The following SLC25A48 variants were observed in gnomAD, a reference collection of about 807,000 sequenced individuals.
SLC25A48 encodes the protein CTC-321K16.1.
SLC25A48 carries 29 observed loss-of-function variants against 32.2 expected under a neutral mutation model. The ratio of observed to expected loss-of-function variants is 0.90; its 90% CI spans 0.67 to 1.23. The LOEUF (loss-of-function observed/expected upper bound fraction) is 1.23. Among genes scored for constraint, SLC25A48 ranks in the 50% most tolerant of loss-of-function variants. SLC25A48 has a pLI of 0.00. For synonymous variants in SLC25A48, 164 were observed against 172.3 expected, an observed-to-expected ratio of 0.95 and a Z score of 0.38; for missense variants, 399 against 422.7, an observed-to-expected ratio of 0.94 and a Z score of 0.49.
At chr5:135,834,918 C>G (rs1295916142) in intron 1 of SLC25A48, 25 bp downstream of exon 1, 4 of 1,596,082 alleles carry the variant, frequency 2.5e-6, no homozygotes, top group East Asian at 2.3e-5. Context: ...CGGGGACCCC[C>G]GGTCAGAGAG....
At chr5:135,745,252 G>T (rs1755613174) in intron 3 of SLC25A48, among the ~76,000 whole-genome samples, 1 of 152,188 alleles carries the variant, frequency 6.6e-6, no homozygotes, top group Admixed American at 6.5e-5. Context: ...GGGAAACAAA[G>T]GGACAGGCTC....
chr5:135,687,760 T>G (rs1161621020), intron 3 of SLC25A48, among the ~76,000 whole-genome samples: 1 of 152,218 alleles, frequency 6.6e-6, no homozygotes, highest in African/African-American at 2.4e-5. Context: ...CTGTTTTTAC[T>G]AACAATTCTT....
chr5:135,780,158 G>A lies in SLC25A48; in HGVS notation c.-520-32365G>A, dbSNP rs540255069. Among the ~76,000 whole-genome samples, 15 of 69,158 alleles carry A rather than the reference G, an allele frequency of 2.2e-4. 4 individuals carry two copies. The highest frequency in any genetic ancestry group is 1.0e-3 in the East Asian group (3 of 2,906). The allele number at this position is 69,158 out of a possible 152,430, so 45.4% of individuals were successfully genotyped here. A position where few individuals can be genotyped will look rare whatever the true frequency, so the allele number is the denominator to read the frequency against. The stretch of plus-strand genomic sequence containing the variant: ...ACCGTGCCTGTGTTATTGTTTCTTC[G>A]TCTTTTTTTTTTTTTTTTTTTTTTT... On this transcript the variant is annotated intron_variant, in intron 3 of 10. Coordinates refer to the SLC25A48 transcript ENST00000646290.
intron 1 of SLC25A48, among the ~76,000 whole-genome samples, chr5:135,620,913 C>G (rs373636249): frequency 6.6e-6 from 1 of 152,154 alleles, no homozygotes; most frequent in East Asian, 1.9e-4. Context: ...TCTCTTACCC[C>G]TTCCCCGCGT....
intron 1 of SLC25A48, among the ~76,000 whole-genome samples, chr5:135,614,916 G>A (rs185277908): frequency 1.3e-5 from 2 of 152,236 alleles, no homozygotes; most frequent in African/African-American, 2.4e-5. Context: ...AAAGTGTGTA[G>A]CACCTCCCCC....
Position 135,871,477 on chromosome 5 carries a change from G to C in SLC25A48, c.438G>C (p.Lys146Asn). The stretch of plus-strand genomic sequence containing the variant: ...TCTTTGCAGCCAACCTCGGTTTGAA[G>C]TCCAGGGCAGTGGCTCCTGCGGAGC... ...QPFRDANLGL[K>N]SRAVAPAEQP... The change falls in exon 5 of 8, where the codon AAG (lysine) becomes AAC (asparagine). Residue 146 changes from lysine to asparagine, a missense_variant. Coordinates refer to ENST00000681962, the MANE Select transcript of SLC25A48 (RefSeq NM_001349336.2). 1 of 1,596,624 alleles carries C rather than the reference G, an allele frequency of 6.3e-7. No homozygotes were observed. The highest frequency in any genetic ancestry group is 1.1e-5 in the South Asian group (1 of 88,746).
chr5:135,722,345 T>C (rs908586926), intron 3 of SLC25A48, among the ~76,000 whole-genome samples: 2 of 152,330 alleles, frequency 1.3e-5, no homozygotes, highest in African/African-American at 4.8e-5. Context: ...CTTCTTACAC[T>C]ATTAGCAGCA....
intron 4 of SLC25A48, among the ~76,000 whole-genome samples, chr5:135,821,503 A>G (rs1232921133): frequency 6.6e-6 from 1 of 152,052 alleles, no homozygotes; most frequent in Non-Finnish European, 1.5e-5. Flanking sequence ...CTGACCATCT[A>G]CTGGAGGTGC....
At chr5:135,664,186 C>A (rs1250275196) in intron 3 of SLC25A48, among the ~76,000 whole-genome samples, 3 of 152,210 alleles carry the variant, frequency 2.0e-5, no homozygotes, top group African/African-American at 7.2e-5. Flanking sequence ...AGATAGGAAC[C>A]CATGGAAGGC....
chr5:135,716,650 C>T (rs1212598969), intron 3 of SLC25A48, among the ~76,000 whole-genome samples: 2 of 152,238 alleles, frequency 1.3e-5, no homozygotes, highest in African/African-American at 2.4e-5. Context: ...AAAGAAAGGA[C>T]TCTTGTCCAA....
intron 3 of SLC25A48, among the ~76,000 whole-genome samples, chr5:135,635,641 G>C (rs994503145): frequency 6.6e-6 from 1 of 152,232 alleles, no homozygotes; most frequent in African/African-American, 2.4e-5. Flanking sequence ...TCTGGAGAAA[G>C]TAAAACAGTC....
chr5:135,872,163 T>C, intron 5 of SLC25A48: 1 of 274,402 alleles, frequency 3.6e-6, no homozygotes, highest in Non-Finnish European at 5.3e-6. Context: ...GAGCTGACAG[T>C]ATAGCAGGAC....
At position 135,809,982 on chromosome 5, in the gene SLC25A48, C is replaced by A. The variant is rs188688749; in HGVS notation, c.-520-2541C>A. Reference sequence around the variant, plus strand: ...CCTCCTATGTACCTGGGACCACAGGCGCAGGCCACTGTGCCCAGCTCGTTT... The same window carrying A: ...CCTCCTATGTACCTGGGACCACAGGAGCAGGCCACTGTGCCCAGCTCGTTT... On this transcript the variant is annotated intron_variant, in intron 3 of 10. Transcript: ENST00000646290. Among the ~76,000 whole-genome samples the A allele has an allele frequency of 2.0e-5, 3 of 152,148 alleles. No homozygotes were observed. In the South Asian group the frequency reaches 6.2e-4, roughly 32 times the overall value.
intron 3 of SLC25A48, among the ~76,000 whole-genome samples, chr5:135,730,813 G>A (rs964138774): frequency 9.2e-5 from 14 of 152,184 alleles, no homozygotes; most frequent in Non-Finnish European, 1.5e-4. Flanking sequence ...GGAACTTGTT[G>A]GGTACTGGAG....
chr5:135,830,618 GA>G (rs1758180118), upstream of SLC25A48, among the ~76,000 whole-genome samples: 1 of 152,222 alleles, frequency 6.6e-6, no homozygotes, highest in Non-Finnish European at 1.5e-5. Flanking sequence ...AACAAAGGAA[GA>G]AATCCTGCTC....
chr5:135,772,670 G>T (rs1384390324), intron 3 of SLC25A48, among the ~76,000 whole-genome samples: 1 of 151,116 alleles, frequency 6.6e-6, no homozygotes, highest in Non-Finnish European at 1.5e-5. Context: ...CGCCAAGGGT[G>T]TACACCTCCC....
At chr5:135,775,191 A>C (rs1756519352) in intron 3 of SLC25A48, among the ~76,000 whole-genome samples, 1 of 151,728 alleles carries the variant, frequency 6.6e-6, no homozygotes, top group Non-Finnish European at 1.5e-5. Context: ...ATCACAAGGA[A>C]TGTACAACCC....
At chr5:135,626,564 G>C (rs1237688980) in intron 1 of SLC25A48, among the ~76,000 whole-genome samples, 1 of 152,222 alleles carries the variant, frequency 6.6e-6, no homozygotes, top group Non-Finnish European at 1.5e-5. Context: ...ATAAGTGTGT[G>C]TCTGTGTGTG....
intron 3 of SLC25A48, among the ~76,000 whole-genome samples, chr5:135,774,713 A>T (rs1377847460): frequency 6.6e-6 from 1 of 150,838 alleles, no homozygotes; most frequent in Non-Finnish European, 1.5e-5. Context: ...GGGTAAGAGG[A>T]TAATATTACT....
Sources: gnomAD v4.1 joint callset for allele counts (sites outside exome capture counted in the v4.1 genomes callset) on GRCh38, gnomAD v4.1.1 for gene constraint, MANE v1.5 for transcripts, NCBI Gene and HGNC (gene_info 2026-07-23, HGNC 2026-07-21) for gene names.